HDX: variants seen among roughly 807,000 people sequenced by gnomAD.
HDX encodes highly divergent homeobox, also known as chromosome X open reading frame 43.
Under a neutral mutation model 45.2 loss-of-function variants are expected in HDX, and 19 were observed. That is an observed-to-expected ratio of 0.42 (90% CI 0.29 to 0.62). The LOEUF (loss-of-function observed/expected upper bound fraction) is 0.62, where lower values mean the gene tolerates loss of function less well. HDX is among the 20% of genes least tolerant of loss of function. The pLI is 0.20. For missense variants in HDX, 532 were observed against 493.9 expected (o/e 1.08, Z -0.73); for synonymous variants, 188 against 172.8 (o/e 1.09, Z -0.69).
intron 5 of HDX, among the ~76,000 whole-genome samples, chrX:84,394,564 A>T (rs956592884): frequency 1.8e-5 from 2 of 111,542 alleles, no homozygotes; most frequent in Non-Finnish European, 3.8e-5. Context: ...ATTTTCTTAT[A>T]GATGATTGGT....
At chrX:84,423,281 T>C (rs1434913515) in intron 5 of HDX, among the ~76,000 whole-genome samples, 1 of 107,740 alleles carries the variant, frequency 9.3e-6, no homozygotes, top group Non-Finnish European at 1.9e-5. Flanking sequence ...ACAAACAAAC[T>C]AACTAACAAC....
chrX:84,367,509 C>G (rs1036219283), intron 5 of HDX, among the ~76,000 whole-genome samples: 1 of 111,897 alleles, frequency 8.9e-6, no homozygotes, highest in African/African-American at 3.3e-5. Flanking sequence ...GGGTATATAC[C>G]CAAAGAATTT....
chrX:84,331,068 T>C (rs952419666), intron 9 of HDX, among the ~76,000 whole-genome samples: 5 of 111,628 alleles, frequency 4.5e-5, no homozygotes, highest in African/African-American at 1.6e-4. Context: ...AACTCCAGTT[T>C]CCACATTGAC....
chrX:84,349,401 ATATGTG>A (rs747851703), intron 6 of HDX, among the ~76,000 whole-genome samples: 32 of 88,130 alleles, frequency 3.6e-4, no homozygotes, highest in South Asian at 5.8e-4. Flanking sequence ...TTATATATAT[ATATGTG>A]TGTGTGTGTG....
intron 5 of HDX, among the ~76,000 whole-genome samples, chrX:84,372,982 T>C (rs1470200233): frequency 1.8e-5 from 2 of 112,158 alleles, no homozygotes; most frequent in Admixed American, 9.5e-5. Flanking sequence ...AGTGTTAAGA[T>C]AATCCATGTG....
chrX:84,345,185 C>A (rs1469770198), intron 6 of HDX, among the ~76,000 whole-genome samples: 1 of 111,162 alleles, frequency 9.0e-6, no homozygotes, highest in Non-Finnish European at 1.9e-5. Flanking sequence ...CTTGTTTATT[C>A]TTCACTCCGT....
intron 4 of HDX, among the ~76,000 whole-genome samples, chrX:84,457,435 A>G (rs1209211065): frequency 8.9e-6 from 1 of 112,047 alleles, no homozygotes; most frequent in Admixed American, 9.4e-5. Context: ...TACTGGTGCA[A>G]CAAAACATTG....
At chrX:84,355,898 A>T (rs1452505626) in intron 6 of HDX, among the ~76,000 whole-genome samples, 1 of 110,539 alleles carries the variant, frequency 9.0e-6, no homozygotes, top group Non-Finnish European at 1.9e-5. Context: ...GGACAAAAAA[A>T]AAAAAAGTTC....
At chrX:84,501,699 G>A (rs2041121213) in intron 1 of HDX, among the ~76,000 whole-genome samples, 1 of 111,955 alleles carries the variant, frequency 8.9e-6, no homozygotes, top group Admixed American at 9.5e-5. Flanking sequence ...GATTTACTCA[G>A]TAGGCCAGTT....
chrX:84,387,561 T>A (rs1261678579), intron 5 of HDX, among the ~76,000 whole-genome samples: 1 of 112,160 alleles, frequency 8.9e-6, no homozygotes, highest in Non-Finnish European at 1.9e-5. Context: ...GTGCCCTTTA[T>A]CAATATGTTA....
At chrX:84,471,245 A>ATAGT (rs2040450782) in intron 3 of HDX, among the ~76,000 whole-genome samples, 1 of 20,731 alleles carries the variant, frequency 4.8e-5, no homozygotes, top group African/African-American at 3.2e-4. Context: ...TGTTCTCTCA[A>ATAGT]TAGATAGATA....
At chrX:84,382,011 T>A (rs889836935) in intron 5 of HDX, among the ~76,000 whole-genome samples, 3 of 111,510 alleles carry the variant, frequency 2.7e-5, no homozygotes, top group African/African-American at 9.8e-5. Flanking sequence ...GAAAAAAATC[T>A]AATAATCCAA....
At chrX:84,328,228 A>G (rs1465890258) in intron 9 of HDX, among the ~76,000 whole-genome samples, 1 of 110,168 alleles carries the variant, frequency 9.1e-6, no homozygotes, top group African/African-American at 3.3e-5. Flanking sequence ...CTGACATGGT[A>G]TGGTGTGGTG....
chrX:84,501,384 G>C (rs1156279379), intron 1 of HDX: 3 of 111,360 alleles, frequency 2.7e-5, no homozygotes, highest in Non-Finnish European at 5.7e-5. Context: ...ATTTATAAGA[G>C]ATTGTCCCAA....
chrX:84,433,434 A>G (rs925230108), intron 5 of HDX, among the ~76,000 whole-genome samples: 1 of 111,635 alleles, frequency 9.0e-6, no homozygotes, highest in African/African-American at 3.3e-5. Context: ...ATCACCATTT[A>G]TAGAAGGCTT....
rs1040212922 is a variant in HDX at position 84,319,689 on chromosome X, A to G, written c.*2200T>C. ...TCTATGCTTTCTCTCAAAATTGTGG[A>G]CTAGGAATCCTTCTAAGAATCACAC... On this transcript the variant is annotated 3_prime_UTR_variant, in exon 11 of 11. Transcript: ENST00000373177. 33 of 111,477 alleles carry G rather than the reference A, an allele frequency of 3.0e-4. No individual in the cohort carries two copies. Among genetic ancestry groups the G allele is most frequent in the African/African-American group, 1.0e-3 (32 of 30,838 alleles). 9.2% of individuals were successfully genotyped at this position (111,477 alleles called of 1,213,427 possible).
chrX:84,388,276 G>C (rs182118058), intron 5 of HDX, among the ~76,000 whole-genome samples: 5 of 109,920 alleles, frequency 4.5e-5, no homozygotes, highest in Admixed American at 1.9e-4. Flanking sequence ...TGATGACTGT[G>C]TGTTTTAGGA....
chrX:84,361,600 T>G lies in HDX; in HGVS notation c.1318A>C (p.Thr440Pro). ...GCTAAGTCTCGGTCACTGAACTGAG[T>G]GCGGTCCTGTAGCTGAAAAACACAT... Reference protein sequence around the residue: ...CSRKRALQDRTQFSDRDLATL... With the variant: ...CSRKRALQDRPQFSDRDLATL... Residue 440 changes from threonine (T) to proline (P), a missense_variant, in exon 6 of 11, where the codon ACT becomes CCT. Thr to Pro is a conservative substitution (Grantham distance 38, BLOSUM62 -1). Transcript: ENST00000373177. 8.4e-7 allele frequency: 1 copy of G among 1,184,361 alleles called. No individual in the cohort carries two copies. The highest frequency in any genetic ancestry group is 1.1e-6 in the Non-Finnish European group (1 of 880,737).
intron 8 of HDX, among the ~76,000 whole-genome samples, chrX:84,335,024 C>T (rs758724744): frequency 7.2e-5 from 8 of 110,718 alleles, no homozygotes; most frequent in Middle Eastern, 4.6e-3. Flanking sequence ...TAATATATTG[C>T]GTATGAGGAT....
Sources: allele counts gnomAD v4.1 joint callset (sites outside exome capture counted in the v4.1 genomes callset), GRCh38; gene constraint gnomAD v4.1.1; transcripts MANE v1.5; gene names NCBI Gene and HGNC (gene_info 2026-07-23, HGNC 2026-07-21).